The following LDLRAD3 variants were observed in gnomAD, a reference collection of about 807,000 sequenced individuals.
LDLRAD3 encodes the protein low-density lipoprotein receptor class A domain-containing protein 3.
LDLRAD3 carries 20 observed loss-of-function variants against 29.4 expected under a neutral mutation model. The observed-to-expected ratio is 0.68, with a 90% CI of 0.48 to 0.99. The LOEUF (loss-of-function observed/expected upper bound fraction) is 0.99, where lower values mean the gene tolerates loss of function less well. LDLRAD3 is among the 50% of genes least tolerant of loss of function. The pLI is 0.00. For missense variants in LDLRAD3, 420 were observed against 454.3 expected, an observed-to-expected ratio of 0.92 and a Z score of 0.69; for synonymous variants, 157 against 192.7, an observed-to-expected ratio of 0.81 and a Z score of 1.53.
intron 4 of LDLRAD3, among the ~76,000 whole-genome samples, chr11:36,142,560 C>T (rs1255683792): frequency 6.6e-6 from 1 of 152,178 alleles, no homozygotes; most frequent in East Asian, 1.9e-4. Context: ...ATCCACAGTG[C>T]ATGCTGAACC....
At position 36,075,715 on chromosome 11, in the gene LDLRAD3, A is replaced by C. The variant is rs148016289; in HGVS notation, c.194-5938A>C. ...CATTTATTAATGAGAAGTCTTCAATAAGGAAGAACTTTCCTTTCTCCCCTT... is the reference window on the plus strand; with the variant it reads ...CATTTATTAATGAGAAGTCTTCAATCAGGAAGAACTTTCCTTTCTCCCCTT... On this transcript the variant is annotated intron_variant, in intron 2 of 5. Transcript: ENST00000315571. Among the ~76,000 whole-genome samples the C allele has an allele frequency of 5.9e-5, 9 of 152,286 alleles. No homozygotes were observed. The East Asian group carries it at 1.7e-3, about 29-fold the overall frequency.
At chr11:36,191,538 G>GTCTC (rs751965155) in intron 4 of LDLRAD3, among the ~76,000 whole-genome samples, 2,758 of 55,458 alleles carry the variant, frequency 0.05, 152 homozygotes, top group Non-Finnish European at 0.061. Context: ...GCAAGACCCT[G>GTCTC]TCTCTCTCTC....
chr11:35,985,752 C>T (rs1230869850), intron 1 of LDLRAD3, among the ~76,000 whole-genome samples: 1 of 152,114 alleles, frequency 6.6e-6, no homozygotes, highest in Admixed American at 6.5e-5. Flanking sequence ...CTCTTGCCTG[C>T]CACCATGTAA....
intron 2 of LDLRAD3, among the ~76,000 whole-genome samples, chr11:36,078,203 C>G (rs1271929702): frequency 6.6e-6 from 1 of 152,208 alleles, no homozygotes; most frequent in Non-Finnish European, 1.5e-5. Flanking sequence ...CCACTCCAGT[C>G]TGCGGGACCC....
chr11:36,070,741 C>A (rs1424356670), intron 2 of LDLRAD3, among the ~76,000 whole-genome samples: 2 of 152,146 alleles, frequency 1.3e-5, no homozygotes. Flanking sequence ...TCTGCATATT[C>A]ACAAGCGTCC....
intron 1 of LDLRAD3, among the ~76,000 whole-genome samples, chr11:36,022,883 G>T (rs1852115211): frequency 6.6e-6 from 1 of 152,146 alleles, no homozygotes; most frequent in South Asian, 2.1e-4. Context: ...TGCTCAGGAG[G>T]TCTGAAAGCT....
Position 36,137,448 on chromosome 11 carries a change from G to A in LDLRAD3, c.454+38987G>A, listed in dbSNP as rs77381250. ...AATTAGCAGATCCTCTGCAATTTGG[G>A]AACTCTGGACAAAATCCAGGGGAAA... On this transcript the variant is annotated intron_variant, in intron 4 of 5. Transcript: ENST00000315571. 2.9e-3 allele frequency among the ~76,000 whole-genome samples: 436 copies of A among 152,308 alleles called. 5 individuals carry two copies. In the East Asian group the frequency reaches 0.032, roughly 11 times the overall value.
chr11:36,018,103 C>T (rs989571645), intron 1 of LDLRAD3, among the ~76,000 whole-genome samples: 1 of 152,178 alleles, frequency 6.6e-6, no homozygotes, highest in African/African-American at 2.4e-5. Flanking sequence ...GGATGGTCTG[C>T]GGCTGCAGGC....
At chr11:36,120,542 TG>T (rs1239046797) in intron 4 of LDLRAD3, among the ~76,000 whole-genome samples, 15 of 152,166 alleles carry the variant, frequency 9.9e-5, no homozygotes, top group African/African-American at 3.4e-4. Flanking sequence ...AAAGAAACCT[TG>T]GGGGAACCTC....
At chr11:36,006,332 T>C (rs1851885105) in intron 1 of LDLRAD3, among the ~76,000 whole-genome samples, 1 of 152,228 alleles carries the variant, frequency 6.6e-6, no homozygotes, top group African/African-American at 2.4e-5. Context: ...AGCTGGATGC[T>C]CTTGACTTTT....
intron 4 of LDLRAD3, among the ~76,000 whole-genome samples, chr11:36,174,335 A>C (rs1290905324): frequency 3.3e-5 from 5 of 152,236 alleles, no homozygotes; most frequent in Admixed American, 3.3e-4. Context: ...CACCAAAAGC[A>C]ATGGCAACAA....
intron 3 of LDLRAD3, among the ~76,000 whole-genome samples, chr11:36,094,642 A>G (rs1590262243): frequency 6.6e-6 from 1 of 151,866 alleles, no homozygotes; most frequent in South Asian, 2.1e-4. Context: ...CTCAAGTGAT[A>G]CTCCTGCCTC....
chr11:36,000,464 C>T (rs1851809532), intron 1 of LDLRAD3, among the ~76,000 whole-genome samples: 1 of 151,882 alleles, frequency 6.6e-6, no homozygotes, highest in African/African-American at 2.4e-5. Context: ...AGGGTCTTTT[C>T]AACCATCCAT....
At chr11:36,133,547 CTTTTT>C (rs67935336) in intron 4 of LDLRAD3, among the ~76,000 whole-genome samples, 4 of 119,898 alleles carry the variant, frequency 3.3e-5, no homozygotes, top group Non-Finnish European at 3.4e-5. Context: ...TTTTTCTTTT[CTTTTT>C]TTTTTTTTTT....
intron 4 of LDLRAD3, among the ~76,000 whole-genome samples, chr11:36,208,488 A>G (rs1196557918): frequency 6.6e-6 from 1 of 152,206 alleles, no homozygotes; most frequent in Non-Finnish European, 1.5e-5. Flanking sequence ...CAAACATTGC[A>G]TGATGCCCCT....
At chr11:36,224,738 T>C (rs192278538) in intron 4 of LDLRAD3, among the ~76,000 whole-genome samples, 2 of 152,234 alleles carry the variant, frequency 1.3e-5, no homozygotes, top group East Asian at 3.9e-4. Context: ...AAGGGGAAGG[T>C]CCTCATTTGT....
intron 1 of LDLRAD3, among the ~76,000 whole-genome samples, chr11:36,033,214 A>G (rs1242436986): frequency 6.6e-6 from 1 of 152,192 alleles, no homozygotes; most frequent in Non-Finnish European, 1.5e-5. Context: ...TCCCTAAAGC[A>G]CACGGCTGTG....
chr11:36,170,911 C>T (rs996585185), intron 4 of LDLRAD3, among the ~76,000 whole-genome samples: 2 of 151,718 alleles, frequency 1.3e-5, no homozygotes, highest in Non-Finnish European at 2.9e-5. Flanking sequence ...AAGCGATTCT[C>T]CTGCGTCAGC....
chr11:36,156,887 G>C (rs755181652), intron 4 of LDLRAD3, among the ~76,000 whole-genome samples: 12 of 152,250 alleles, frequency 7.9e-5, no homozygotes, highest in Non-Finnish European at 1.8e-4. Context: ...GGGAGAACGT[G>C]TGTATGTCAG....
Sources: allele counts gnomAD v4.1 joint callset (sites outside exome capture counted in the v4.1 genomes callset), GRCh38; gene constraint gnomAD v4.1.1; transcripts MANE v1.5; gene names NCBI Gene and HGNC (gene_info 2026-07-23, HGNC 2026-07-21).